SLC38A10: variants seen among roughly 807,000 people sequenced by gnomAD.
SLC38A10 encodes the protein solute carrier family 38 member 10.
Under a neutral mutation model 81.0 loss-of-function variants are expected in SLC38A10, and 53 were observed. The ratio of observed to expected loss-of-function variants is 0.65; its 90% confidence interval spans 0.53 to 0.82. The LOEUF (loss-of-function observed/expected upper bound fraction) is 0.82, where lower values mean the gene tolerates loss of function less well. SLC38A10 is among the 40% of genes least tolerant of loss of function. SLC38A10 has a pLI of 0.00. For missense variants in SLC38A10, 1,471 were observed against 1,545.0 expected (o/e 0.95, Z 0.80); for synonymous variants, 665 against 655.3 (o/e 1.01, Z -0.23).
In SLC38A10 at chr17:81,288,688, G is replaced by C. The variant is rs913382412; in HGVS notation, c.217+1003C>G. On this transcript the variant is annotated intron_variant, in intron 2 of 15. Transcript: ENST00000374759. The surrounding 1 kb of genome is among the most constrained non-coding windows in gnomAD (Gnocchi z 5.4). The stretch of plus-strand genomic sequence containing the variant: ...CAGCATTAAAGCAAGAAAGAACTAA[G>C]GGAAACAAAACTGCAACCAACAGCA... 6.6e-6 allele frequency: 1 copy of C among 152,416 alleles called. No individual in the cohort carries two copies. Among genetic ancestry groups the C allele is most frequent in the African/African-American group, 2.4e-5 (1 of 41,462 alleles). The allele number at this position is 152,416 out of a possible 1,614,324, so 9.4% of individuals were successfully genotyped here.
At position 81,251,913 on chromosome 17, in the gene SLC38A10, C is replaced by T. The variant is rs1418241415; in HGVS notation, c.1945+282G>A. On this transcript the variant is annotated intron_variant, in intron 13 of 15. Coordinates refer to ENST00000374759, the MANE Select transcript of SLC38A10 (RefSeq NM_001037984.3). ...AACAACGTGTTACCTGTCAGGCGCCCCCCGCGCCGCCCCCCGTGTGCGCCC... is the reference window on the plus strand; with the variant it reads ...AACAACGTGTTACCTGTCAGGCGCCTCCCGCGCCGCCCCCCGTGTGCGCCC... 33 of 525,322 alleles carry T rather than the reference C, an allele frequency of 6.3e-5. No homozygotes were observed. In the East Asian group the frequency reaches 1.1e-3, roughly 17 times the overall value. The allele number at this position is 525,322 out of a possible 1,614,324, so 32.5% of individuals were successfully genotyped here.
intron 14 of SLC38A10, among the ~76,000 whole-genome samples, chr17:81,250,698 G>C (rs890612295): frequency 6.6e-6 from 1 of 152,214 alleles, no homozygotes; most frequent in East Asian, 1.9e-4. Context: ...TTTGGTGAGC[G>C]GGGGCCCAGC....
Position 81,280,609 on chromosome 17 carries a change from G to A in SLC38A10, c.626C>T (p.Ser209Phe), listed in dbSNP as rs145703508. 1.1e-5 allele frequency: 18 copies of A among 1,612,976 alleles called. No individual in the cohort carries two copies. Among genetic ancestry groups the A allele is most frequent in the South Asian group, 3.3e-5 (3 of 90,988 alleles). ...PIFGMSFACQ[S>F]QVLPTYDSLD... The stretch of plus-strand genomic sequence containing the variant: ...CCACAGACCACAGCAGGACACTTAC[G>A]ACTGGCAGGCGAAGGACATGCCGAA... Residue 209 changes from serine (S) to phenylalanine (F), a missense_variant and splice_region_variant, in exon 6 of 16, where the codon TCC becomes TTC. Ser to Phe is a radical substitution (Grantham distance 155). Transcript: ENST00000374759.
rs1206447081 is a variant in SLC38A10, at chr17:81,280,633, A to G, written c.602T>C (p.Phe201Ser). ...CGACTGGCAGGCGAAGGACATGCCG[A>G]AGATGGGGATGCAGCGGAAGACGCC... is the stretch of plus-strand genomic sequence containing the variant. ...WEGVFRCIPIFGMSFACQSQV... is the reference protein window; with the variant it reads ...WEGVFRCIPISGMSFACQSQV... The change falls in exon 6 of 16, where the codon TTC becomes TCC. Residue 201 changes from phenylalanine to serine, a missense_variant. By Grantham distance (155) the Phe-to-Ser change is radical (BLOSUM62 -2). Coordinates refer to ENST00000374759, the MANE Select transcript of SLC38A10 (RefSeq NM_001037984.3). 2 of 1,612,620 alleles carry G rather than the reference A, an allele frequency of 1.2e-6. No individual in the cohort carries two copies. Among genetic ancestry groups the G allele is most frequent in the African/African-American group, 2.7e-5 (2 of 74,916 alleles).
In SLC38A10 at chr17:81,246,564, G is replaced by GCCC; in HGVS notation, c.2351_2352insGGG (p.Val784_Leu785insGly). On this transcript the variant is annotated inframe_insertion, in exon 16 of 16. Coordinates refer to ENST00000374759, the MANE Select transcript of SLC38A10 (RefSeq NM_001037984.3). The stretch of plus-strand genomic sequence containing the variant: ...CAGGGCGGCCCCCAGGAGCTCTGAG[G>GCCC]ACAGGGTCCAAAGGCAGGGGAGGCA... 11 of 1,516,676 alleles carry GCCC rather than the reference G, an allele frequency of 7.3e-6. No homozygotes were observed. Among genetic ancestry groups the GCCC allele is most frequent in the Non-Finnish European group, 9.7e-6 (11 of 1,134,486 alleles). The allele number at this position is 1,516,676 out of a possible 1,614,324, so 94.0% of individuals were successfully genotyped here.
At chr17:81,280,243 G>A in intron 6 of SLC38A10, 1 of 432,832 alleles carries the variant, frequency 2.3e-6, no homozygotes, top group South Asian at 1.7e-5. Context: ...CAATGTTTGT[G>A]CCATTTCCTT....
rs2062852553 is a variant in SLC38A10, at chr17:81,246,448, T to G, written c.2468A>C (p.Asp823Ala). 1 of 1,589,984 alleles carries G rather than the reference T, an allele frequency of 6.3e-7. No individual in the cohort carries two copies. The highest frequency in any genetic ancestry group is 8.6e-7 in the Non-Finnish European group (1 of 1,168,702). Residue 823 changes from aspartate to alanine, a missense_variant, in exon 16 of 16, where the codon GAC becomes GCC. Around this residue, in one of 2 missense-constraint regions of SLC38A10, gnomAD observed 751 missense variants for 717.4 expected, o/e 1.05. Coordinates refer to ENST00000374759, the MANE Select transcript of SLC38A10 (RefSeq NM_001037984.3). The part of the protein sequence containing the change: ...DPAGPPDGGP[D>A]TEPRAAQAKL... ...GGCCTGGGCTGCCCGAGGCTCTGTG[T>G]CAGGGCCGCCGTCAGGAGGGCCAGC...
At chr17:81,255,503 C>G (rs929529535) in intron 11 of SLC38A10, among the ~76,000 whole-genome samples, 2 of 152,238 alleles carry the variant, frequency 1.3e-5, no homozygotes, top group African/African-American at 4.8e-5. Flanking sequence ...GGAGTGCCCC[C>G]GCCAGCTCAC....
chr17:81,270,919 T>A lies in SLC38A10; in HGVS notation c.1130A>T (p.Gln377Leu). ...KKIHKNALSS[Q>L]VVLWVGLGVL... is the part of the protein sequence containing the mutation. ...GGCCACCCCACGAGCAGCACGCACCTGGGAGGAAAGTGCGTTCTTGTGGAT... is the reference window on the plus strand; with the variant it reads ...GGCCACCCCACGAGCAGCACGCACCAGGGAGGAAAGTGCGTTCTTGTGGAT... The change falls in exon 10 of 16, where the codon CAG becomes CTG. Residue 377 changes from glutamine (Q) to leucine (L), a missense_variant and splice_region_variant. Gln to Leu is a moderately radical substitution (Grantham distance 113). Around this residue, in one of 2 missense-constraint regions of SLC38A10, gnomAD observed 720 missense variants for 827.7 expected, o/e 0.87. Coordinates refer to ENST00000374759, the MANE Select transcript of SLC38A10 (RefSeq NM_001037984.3). This position sits in a 1 kb window ranked among gnomAD's most constrained non-coding sequence, Gnocchi z 4.0. 6.2e-7 allele frequency: 1 copy of A among 1,613,810 alleles called. No homozygotes were observed. The highest frequency in any genetic ancestry group is 8.5e-7 in the Non-Finnish European group (1 of 1,179,906).
rs1309168992 is a variant in SLC38A10 at position 81,252,224 on chromosome 17, G to C, written c.1916C>G (p.Thr639Arg). The stretch of plus-strand genomic sequence containing the variant: ...GTCGCTGTCCTCTGCGGGCTGCCCT[G>C]TGTCCCCGGCGGCGTTGCCTGGCGG... ...GPPPGNAAGD[T>R]GQPAEDSDHG... Residue 639 changes from threonine (T) to arginine (R), a missense_variant, in exon 13 of 16, where the codon ACA becomes AGA. By Grantham distance (71) the Thr-to-Arg change is moderately conservative. Around this residue, in one of 2 missense-constraint regions of SLC38A10, gnomAD observed 751 missense variants for 717.4 expected, o/e 1.05. Coordinates refer to ENST00000374759, the MANE Select transcript of SLC38A10 (RefSeq NM_001037984.3). 6 of 1,533,838 alleles carry C rather than the reference G, an allele frequency of 3.9e-6. No homozygotes were observed. Among genetic ancestry groups the C allele is most frequent in the Non-Finnish European group, 5.2e-6 (6 of 1,144,266 alleles).
intron 11 of SLC38A10, among the ~76,000 whole-genome samples, chr17:81,259,900 C>T (rs1460466003): frequency 6.6e-6 from 1 of 152,230 alleles, no homozygotes; most frequent in African/African-American, 2.4e-5. Context: ...AAACTTACAT[C>T]CTCAAATGAA....
chr17:81,250,867 A>G (rs1598378720), intron 14 of SLC38A10: 1 of 1,053,196 alleles, frequency 9.5e-7, no homozygotes, highest in Admixed American at 5.0e-5. Flanking sequence ...AAGGGGCGAG[A>G]AGTTTGGAGG....
At chr17:81,250,096 G>A (rs1325152729) in intron 14 of SLC38A10, 2 of 1,287,988 alleles carry the variant, frequency 1.6e-6, no homozygotes, top group African/African-American at 3.1e-5. Context: ...AATTTCAGCT[G>A]CTCGTCCCGT....
In SLC38A10 at chr17:81,286,854, C is replaced by A. The variant is rs2063271590; in HGVS notation, c.218-1959G>T. On this transcript the variant is annotated intron_variant, in intron 2 of 15. Coordinates refer to ENST00000374759, the MANE Select transcript of SLC38A10 (RefSeq NM_001037984.3). This position sits in a 1 kb window ranked among gnomAD's most constrained non-coding sequence, Gnocchi z 6.0. ...AGGCCGCGTGGGGGCCAAACAGTCC[C>A]TGCTGCTGGGGGAGGCGGTTTCTAG... Among the ~76,000 whole-genome samples the A allele has an allele frequency of 1.3e-5, 2 of 152,142 alleles. No individual in the cohort carries two copies. The highest frequency in any genetic ancestry group is 2.4e-5 in the African/African-American group (1 of 41,426).
At chr17:81,247,899 T>G (rs1439403045) in intron 14 of SLC38A10, among the ~76,000 whole-genome samples, 5 of 151,564 alleles carry the variant, frequency 3.3e-5, no homozygotes, top group African/African-American at 1.2e-4. Flanking sequence ...ATATTGGTAC[T>G]TCTAGAAAGT....
At chr17:81,291,578 G>A (rs1414003785) in intron 1 of SLC38A10, among the ~76,000 whole-genome samples, 5 of 151,752 alleles carry the variant, frequency 3.3e-5, no homozygotes, top group East Asian at 1.9e-4. Context: ...GAAAAGACAC[G>A]ATACCCAATG....
At position 81,252,235 on chromosome 17, in the gene SLC38A10, G is replaced by T; in HGVS notation, c.1905C>A (p.Ala635=). The part of the protein sequence containing the change: ...KAKGGPPPGN[A]AGDTGQPAED... Reference sequence around the variant, plus strand: ...CTGCGGGCTGCCCTGTGTCCCCGGCGGCGTTGCCTGGCGGCGGTCCCCCCT... The same window carrying T: ...CTGCGGGCTGCCCTGTGTCCCCGGCTGCGTTGCCTGGCGGCGGTCCCCCCT... The change falls in exon 13 of 16, where the codon GCC becomes GCA. Residue 635 remains alanine, a synonymous_variant. Coordinates refer to ENST00000374759, the MANE Select transcript of SLC38A10 (RefSeq NM_001037984.3). 1 of 1,544,636 alleles carries T rather than the reference G, an allele frequency of 6.5e-7. No homozygotes were observed.
rs370691542 is a variant in SLC38A10 at position 81,275,947 on chromosome 17, G to C, written c.912+22C>G. ...GCCTGACCTGTGCTATTACGATCCG[G>C]AGAGTGCCCCGAGGGTCTTACCTGC... On this transcript the variant is annotated intron_variant, in intron 8 of 15. Coordinates refer to ENST00000374759, the MANE Select transcript of SLC38A10 (RefSeq NM_001037984.3). The C allele has an allele frequency of 4.0e-4, 644 of 1,606,794 alleles. 2 individuals carry two copies. Among genetic ancestry groups the C allele is most frequent in the Non-Finnish European group, 5.0e-4 (588 of 1,175,562 alleles).
chr17:81,280,088 C>G lies in SLC38A10; in HGVS notation c.626+521G>C, dbSNP rs958890686. On this transcript the variant is annotated intron_variant, in intron 6 of 15. Transcript: ENST00000374759. ...ATGTTCCAACCGGGCACGAATCACTCGCTCTTGTCATTTTGGTGGAGAAGG... is the reference window on the plus strand; with the variant it reads ...ATGTTCCAACCGGGCACGAATCACTGGCTCTTGTCATTTTGGTGGAGAAGG... 6 of 440,648 alleles carry G rather than the reference C, an allele frequency of 1.4e-5. No homozygotes were observed. The Admixed American group carries it at 1.4e-4, about 11-fold the overall frequency. The allele number at this position is 440,648 out of a possible 1,614,324, so 27.3% of individuals were successfully genotyped here.
Sources: gnomAD v4.1 joint callset for allele counts (sites outside exome capture counted in the v4.1 genomes callset) on GRCh38, gnomAD v4.1.1 for gene constraint, gnomAD v4.1.1 regional missense constraint, Gnocchi (gnomAD v3.1) non-coding constraint, MANE v1.5 for transcripts, NCBI Gene and HGNC (gene_info 2026-07-23, HGNC 2026-07-21) for gene names.